NAPA: variants seen among roughly 807,000 people sequenced by gnomAD.
NAPA encodes NSF attachment protein alpha, also known as alpha-soluble NSF attachment protein.
In NAPA, 18 loss-of-function variants were observed where a neutral mutation model predicts 48.0. The observed-to-expected ratio is 0.38, with a 90% confidence interval of 0.26 to 0.56. The LOEUF is 0.56. Ranked by LOEUF, NAPA falls within the 20% of genes least tolerant of loss-of-function variation. NAPA has a pLI of 0.77. For synonymous variants in NAPA, 152 were observed against 149.9 expected (o/e 1.01, Z -0.10); for missense variants, 315 against 385.0 (o/e 0.82, Z 1.52).
chr19:47,515,049 G>T lies in NAPA; in HGVS notation c.-109C>A. 2 of 1,129,770 alleles carry T rather than the reference G, an allele frequency of 1.8e-6. No individual in the cohort carries two copies. Among genetic ancestry groups the T allele is most frequent in the African/African-American group, 1.6e-5 (1 of 63,694 alleles). The allele number at this position is 1,129,770 out of a possible 1,614,324, so 70.0% of individuals were successfully genotyped here. On this transcript the variant is annotated 5_prime_UTR_variant, in exon 1 of 11. Coordinates refer to ENST00000263354, the MANE Select transcript of NAPA (RefSeq NM_003827.4). ...GTAAAACTCGCCCGGCTGCGTTGAC[G>T]TCGCACCGGCGCGCGTCGCTTGCGG...
At chr19:47,490,724 C>T (rs748784400) in intron 9 of NAPA, 64 bp downstream of exon 9, 1 of 1,439,618 alleles carries the variant, frequency 6.9e-7, no homozygotes. Flanking sequence ...ATTGTCCCAC[C>T]TGGAGCCCCA....
intron 3 of NAPA, chr19:47,497,114 G>A (rs1968447556): frequency 4.1e-6 from 1 of 242,168 alleles, no homozygotes; most frequent in Admixed American, 5.0e-5. Flanking sequence ...CCACGCTGCA[G>A]AGGAGAGCAG....
chr19:47,502,679 TATG>T (rs1968606084), intron 2 of NAPA, among the ~76,000 whole-genome samples: 1 of 152,226 alleles, frequency 6.6e-6, no homozygotes, highest in Non-Finnish European at 1.5e-5. Context: ...ATGAAAGATG[TATG>T]ATGAAATGAG....
At chr19:47,503,109 A>G (rs536373211) in intron 2 of NAPA, among the ~76,000 whole-genome samples, 1 of 152,362 alleles carries the variant, frequency 6.6e-6, no homozygotes, top group East Asian at 1.9e-4. Context: ...TGGAAGCACT[A>G]AGGAAGTTAC....
intron 1 of NAPA, chr19:47,507,041 C>T (rs898542674): frequency 3.3e-5 from 5 of 152,306 alleles, no homozygotes; most frequent in Non-Finnish European, 5.9e-5. Context: ...AAAGGAAAAT[C>T]TAGCTGGGCC....
intron 3 of NAPA, 24 bp from the exon 4 acceptor site, chr19:47,495,620 G>A (rs1279250641): frequency 6.2e-7 from 1 of 1,612,994 alleles, no homozygotes. Flanking sequence ...GAGGTGGGAG[G>A]AGACATGAGA....
chr19:47,498,343 G>A (rs548373850), intron 3 of NAPA, among the ~76,000 whole-genome samples: 2 of 152,308 alleles, frequency 1.3e-5, no homozygotes, highest in East Asian at 3.9e-4. Context: ...GCTGTGGGGA[G>A]CCCAGGGCAG....
At chr19:47,510,973 C>A (rs1456289286) in intron 1 of NAPA, among the ~76,000 whole-genome samples, 1 of 152,212 alleles carries the variant, frequency 6.6e-6, no homozygotes, top group East Asian at 1.9e-4. Flanking sequence ...TAGCGTCTGG[C>A]AGCCCAGAAA....
intron 3 of NAPA, 105 bp downstream of exon 3, chr19:47,500,528 C>T (rs940803890): frequency 5.8e-6 from 5 of 866,052 alleles, no homozygotes; most frequent in Non-Finnish European, 6.9e-6. Context: ...TATCACATGT[C>T]GGCCACTGGA....
chr19:47,503,698 C>A (rs1968634617), intron 1 of NAPA, among the ~76,000 whole-genome samples, 196 bp from the exon 2 acceptor site: 1 of 152,190 alleles, frequency 6.6e-6, no homozygotes, highest in African/African-American at 2.4e-5. Flanking sequence ...GGCAGACCAG[C>A]TCCCTCCGGG....
chr19:47,504,911 T>G (rs11083880), intron 1 of NAPA, among the ~76,000 whole-genome samples: 2 of 152,068 alleles, frequency 1.3e-5, no homozygotes, highest in Non-Finnish European at 2.9e-5. Flanking sequence ...TGTCCAACAG[T>G]AGGGATACAC....
chr19:47,490,620 A>G (rs1225073340), intron 9 of NAPA, among the ~76,000 whole-genome samples, 168 bp downstream of exon 9: 1 of 150,310 alleles, frequency 6.7e-6, no homozygotes, highest in Non-Finnish European at 1.5e-5. Flanking sequence ...TACTTTCTTC[A>G]TCTGGAAAAT....
At chr19:47,497,016 G>A (rs1207364288) in intron 3 of NAPA, 2 of 319,102 alleles carry the variant, frequency 6.3e-6, no homozygotes, top group African/African-American at 2.2e-5. Context: ...AGATGAGGAG[G>A]AAGGGGAGAG....
intron 1 of NAPA, among the ~76,000 whole-genome samples, chr19:47,508,656 G>C (rs1168365355): frequency 6.6e-6 from 1 of 151,826 alleles, no homozygotes; most frequent in Admixed American, 6.6e-5. Flanking sequence ...CCTGGGGCTA[G>C]TTATCCCTGA....
chr19:47,493,179 G>A lies in NAPA; in HGVS notation c.421-5C>T, dbSNP rs779458436. On this transcript the variant is annotated splice_region_variant and splice_polypyrimidine_tract_variant and intron_variant, in intron 5 of 10. Transcript: ENST00000263354. The surrounding 1 kb of genome is among the most constrained non-coding windows in gnomAD (Gnocchi z 6.4). The stretch of plus-strand genomic sequence containing the variant: ...CTGCTCGTAGTGGGCAATGGCCTGG[G>A]GAGACACGGGGGATGGGTTCCAGGG... 3.2e-6 allele frequency: 5 copies of A among 1,583,418 alleles called. No individual in the cohort carries two copies. Among genetic ancestry groups the A allele is most frequent in the Admixed American group, 1.7e-5 (1 of 58,600 alleles).
At position 47,490,060 on chromosome 19, in the gene NAPA, G is replaced by GGTGT. The variant is rs58641405; in HGVS notation, c.736-303_736-300dup. On this transcript the variant is annotated intron_variant, in intron 9 of 10. Coordinates refer to ENST00000263354, the MANE Select transcript of NAPA (RefSeq NM_003827.4). ...TGTGTTGGGTGTGGTGTGTGGTGGA[G>GGTGT]GTGTGTGTGTGTGTGGTGTGTGTGT... 3.2e-3 allele frequency among the ~76,000 whole-genome samples: 477 copies of GGTGT among 148,422 alleles called. 1 individual carries two copies. The highest frequency in any genetic ancestry group is 0.011 in the African/African-American group (449 of 40,242).
At chr19:47,505,713 C>A (rs557380846) in intron 1 of NAPA, among the ~76,000 whole-genome samples, 2 of 152,322 alleles carry the variant, frequency 1.3e-5, no homozygotes, top group African/African-American at 4.8e-5. Context: ...AATGCCCCCA[C>A]GGTGGGCGGG....
intron 1 of NAPA, among the ~76,000 whole-genome samples, chr19:47,511,996 C>A (rs977225111): frequency 6.6e-6 from 1 of 152,192 alleles, no homozygotes; most frequent in Non-Finnish European, 1.5e-5. Context: ...CCAGCCCTTG[C>A]TCACCAGACC....
intron 1 of NAPA, 25 bp from the exon 2 acceptor site, chr19:47,503,527 G>A: frequency 1.2e-6 from 2 of 1,605,618 alleles, no homozygotes; most frequent in Non-Finnish European, 1.7e-6. Flanking sequence ...AAGAAAAAAA[G>A]GAGACAATCT....
Sources: gnomAD v4.1 joint callset for allele counts (sites outside exome capture counted in the v4.1 genomes callset) on GRCh38, gnomAD v4.1.1 for gene constraint, Gnocchi (gnomAD v3.1) non-coding constraint, MANE v1.5 for transcripts, NCBI Gene and HGNC (gene_info 2026-07-23, HGNC 2026-07-21) for gene names.